Variants in SEM1 observed in about 807,000 individuals in gnomAD.
SEM1 encodes the protein 26S proteasome complex subunit SEM1.
A neutral mutation model predicts 12.7 loss-of-function variants in SEM1; 3 were observed. The ratio of observed to expected loss-of-function variants is 0.24; its 90% confidence interval spans 0.11 to 0.61. SEM1 has a LOEUF of 0.61. Among genes scored for constraint, SEM1 ranks in the 20% least tolerant of loss-of-function variants. The pLI, the probability that SEM1 is intolerant of heterozygous loss-of-function variation, is 0.88. For synonymous variants in SEM1, 30 were observed against 27.8 expected (o/e 1.08, Z -0.25); for missense variants, 59 against 81.3 (o/e 0.73, Z 1.06).
chr7:96,667,045 T>C (rs1789189618), intron 2 of SEM1, among the ~76,000 whole-genome samples: 1 of 152,214 alleles, frequency 6.6e-6, no homozygotes, highest in Admixed American at 6.5e-5. Context: ...TTTTAAAGTT[T>C]GGGCTGAAGG....
At chr7:96,546,313 G>T (rs963995084) in intron 2 of SEM1, among the ~76,000 whole-genome samples, 4 of 152,084 alleles carry the variant, frequency 2.6e-5, no homozygotes, top group African/African-American at 7.2e-5. Context: ...ATTTAAAAAT[G>T]CTACACACAG....
chr7:96,580,510 G>C (rs1238292249), intron 2 of SEM1, among the ~76,000 whole-genome samples: 3 of 151,806 alleles, frequency 2.0e-5, no homozygotes, highest in Non-Finnish European at 4.4e-5. Context: ...GGGTCAAATG[G>C]TATTTCCAGT....
chr7:96,701,305 G>T (rs1428501468), intron 1 of SEM1, among the ~76,000 whole-genome samples: 2 of 151,942 alleles, frequency 1.3e-5, no homozygotes, highest in Non-Finnish European at 2.9e-5. Context: ...GTATTCGGGA[G>T]GTAATCAGGA....
At chr7:96,486,450 C>G in intron 1 of SEM1, 1 of 1,520,404 alleles carries the variant, frequency 6.6e-7, no homozygotes, top group Non-Finnish European at 8.8e-7. Flanking sequence ...TATCCTAGAC[C>G]TTTCAGGCTG....
chr7:96,693,550 T>A (rs1304741706), intron 2 of SEM1, among the ~76,000 whole-genome samples: 2 of 151,160 alleles, frequency 1.3e-5, no homozygotes, highest in South Asian at 4.2e-4. Context: ...AAAGCACAAA[T>A]AACAAAAGAA....
chr7:96,540,443 T>G (rs1325780085), intron 2 of SEM1, among the ~76,000 whole-genome samples: 1 of 151,718 alleles, frequency 6.6e-6, no homozygotes, highest in African/African-American at 2.4e-5. Context: ...TAGGGGAAAA[T>G]AATTAATATT....
downstream of SEM1, among the ~76,000 whole-genome samples, chr7:96,669,364 A>G (rs890707188): frequency 7.9e-5 from 12 of 152,208 alleles, no homozygotes; most frequent in Admixed American, 2.6e-4. Context: ...GCTGCCATAG[A>G]TAATATGTAA....
At chr7:96,490,836 C>T (rs901764657) in intron 1 of SEM1, among the ~76,000 whole-genome samples, 15 of 151,520 alleles carry the variant, frequency 9.9e-5, no homozygotes, top group South Asian at 2.1e-4. Flanking sequence ...ATTTTGGATC[C>T]GTTATGCCAA....
intron 1 of SEM1, among the ~76,000 whole-genome samples, chr7:96,702,866 C>T (rs2115997150): frequency 6.6e-6 from 1 of 152,292 alleles, no homozygotes; most frequent in Admixed American, 6.5e-5. Flanking sequence ...GAACTTCTAT[C>T]ATGAGGAAAT....
chr7:96,622,349 G>T (rs976458492), downstream of SEM1: 21 of 464,392 alleles, frequency 4.5e-5, no homozygotes, highest in Non-Finnish European at 7.3e-5. Flanking sequence ...GACAGGAAAA[G>T]ATGCCTTATT....
chr7:96,620,712 A>G (rs1298643910), downstream of SEM1, among the ~76,000 whole-genome samples: 1 of 151,944 alleles, frequency 6.6e-6, no homozygotes, highest in African/African-American at 2.4e-5. Context: ...ATCTGTTTGG[A>G]GTATCTGCTT....
intron 2 of SEM1, among the ~76,000 whole-genome samples, chr7:96,551,801 T>C (rs1254193684): frequency 6.6e-6 from 1 of 150,388 alleles, no homozygotes; most frequent in African/African-American, 2.5e-5. Flanking sequence ...AAGCTAAGGA[T>C]CAACAAGGAC....
chr7:96,664,509 C>T (rs1789113913), intron 2 of SEM1, among the ~76,000 whole-genome samples: 1 of 152,194 alleles, frequency 6.6e-6, no homozygotes, highest in Non-Finnish European at 1.5e-5. Flanking sequence ...CTTTGGCCTC[C>T]ATCTTCTGCT....
chr7:96,696,873 T>C (rs1016456948), intron 1 of SEM1: 4 of 152,036 alleles, frequency 2.6e-5, no homozygotes, highest in African/African-American at 9.7e-5. Context: ...CTTGGATCTC[T>C]GAATTGTGTT....
intron 2 of SEM1, among the ~76,000 whole-genome samples, chr7:96,528,934 C>T (rs888315701): frequency 3.9e-5 from 6 of 152,034 alleles, no homozygotes; most frequent in South Asian, 2.1e-4. Context: ...AATATATTCC[C>T]GTACCTAATA....
At position 96,709,750 on chromosome 7, in the gene SEM1, T is replaced by C; in HGVS notation, c.14A>G (p.Lys5Arg). ...TAACAGACCTAAGTCTACCGGCTGC[T>C]TTTTCTCTGACATCTCGACTGTCCG... MSEKKQPVDLGLLEE... is the reference protein window; with the variant it reads MSEKRQPVDLGLLEE... The change falls in exon 1 of 3, where the codon AAG (lysine) becomes AGG (arginine). Residue 5 changes from lysine (K) to arginine (R), a missense_variant. Coordinates refer to ENST00000248566, the MANE Select transcript of SEM1 (RefSeq NM_006304.2). The C allele has an allele frequency of 6.2e-7, 1 of 1,613,418 alleles. No individual in the cohort carries two copies. The highest frequency in any genetic ancestry group is 8.5e-7 in the Non-Finnish European group (1 of 1,179,604).
chr7:96,556,947 T>A (rs1329141558), intron 2 of SEM1, among the ~76,000 whole-genome samples: 1 of 149,680 alleles, frequency 6.7e-6, no homozygotes, highest in East Asian at 2.0e-4. Context: ...CATTTCATCT[T>A]CCATTGCTGA....
chr7:96,651,484 C>T (rs1346334040), intron 2 of SEM1, among the ~76,000 whole-genome samples: 3 of 152,020 alleles, frequency 2.0e-5, no homozygotes, highest in African/African-American at 7.2e-5. Context: ...CATCTCTATT[C>T]ATAGGTAAAA....
chr7:96,573,268 G>A (rs1806099785), intron 2 of SEM1, among the ~76,000 whole-genome samples: 1 of 152,052 alleles, frequency 6.6e-6, no homozygotes, highest in Non-Finnish European at 1.5e-5. Context: ...TTTAATTGGG[G>A]CATTTAGCCC....
Sources: allele counts gnomAD v4.1 joint callset (sites outside exome capture counted in the v4.1 genomes callset), GRCh38; gene constraint gnomAD v4.1.1; transcripts MANE v1.5; gene names NCBI Gene and HGNC (gene_info 2026-07-23, HGNC 2026-07-21).